Variants in NRXN3 observed in about 807,000 individuals in gnomAD.
NRXN3 encodes neurexin III.
A neutral mutation model predicts 137.6 loss-of-function variants in NRXN3; 32 were observed. That is an observed-to-expected ratio of 0.23 (90% confidence interval 0.18 to 0.31). The LOEUF is 0.31. NRXN3 is among the 10% of genes least tolerant of loss of function. The probability of loss-of-function intolerance (pLI) is 1.00; values close to 1 mark genes in which losing one functional copy is unlikely to be tolerated. For synonymous variants in NRXN3, 798 were observed against 784.5 expected (o/e 1.02, Z -0.29); for missense variants, 1,574 against 2,062.5 (o/e 0.76, Z 4.59).
At position 79,769,208 on chromosome 14, in the gene NRXN3, T is replaced by C. The variant is rs2099067750; in HGVS notation, c.4015-35904T>C. ...AGTTGGAAAACACTCTGCAGGATAT[T>C]ATCCAGGAGAACTTCCCCAATCTAG... On this transcript the variant is annotated intron_variant, in intron 19 of 20. Coordinates refer to ENST00000335750, the MANE Select transcript of NRXN3 (RefSeq NM_001330195.2). Among the ~76,000 whole-genome samples the C allele has an allele frequency of 3.4e-5, 5 of 149,064 alleles. No individual in the cohort carries two copies. The South Asian group carries it at 1.1e-3, about 33-fold the overall frequency.
intron 10 of NRXN3, among the ~76,000 whole-genome samples, chr14:78,834,190 C>T (rs111436067): frequency 1.1e-4 from 16 of 152,084 alleles, no homozygotes; most frequent in African/African-American, 2.7e-4. Flanking sequence ...ATTCTAGGAG[C>T]GACAGGAAGC....
At chr14:79,461,696 T>C (rs1286535965) in intron 15 of NRXN3, among the ~76,000 whole-genome samples, 1 of 152,190 alleles carries the variant, frequency 6.6e-6, no homozygotes, top group Non-Finnish European at 1.5e-5. Flanking sequence ...AAAAGATAGG[T>C]TTAATTTGAT....
intron 10 of NRXN3, among the ~76,000 whole-genome samples, chr14:78,851,194 A>G (rs2099041565): frequency 6.6e-6 from 1 of 152,172 alleles, no homozygotes; most frequent in Non-Finnish European, 1.5e-5. Flanking sequence ...AGATCAAAAT[A>G]TAGCTTCTAT....
At chr14:79,854,308 T>G (rs1603619951) in intron 20 of NRXN3, 1 of 231,550 alleles carries the variant, frequency 4.3e-6, no homozygotes, top group African/African-American at 2.3e-5. Context: ...CAGAACAGCT[T>G]CTATTTTTAA....
chr14:78,803,929 C>A, intron 9 of NRXN3, 106 bp downstream of exon 9: 1 of 1,046,642 alleles, frequency 9.6e-7, no homozygotes, highest in South Asian at 1.3e-5. Flanking sequence ...TGAAAGTTAG[C>A]TGCTCACCTC....
chr14:79,423,359 G>C (rs2095609207), intron 15 of NRXN3, among the ~76,000 whole-genome samples: 1 of 152,114 alleles, frequency 6.6e-6, no homozygotes, highest in Non-Finnish European at 1.5e-5. Flanking sequence ...TCCTTTCCAA[G>C]CTCCATCTTT....
intron 6 of NRXN3, among the ~76,000 whole-genome samples, chr14:78,689,907 C>T (rs1485962579): frequency 6.6e-6 from 1 of 151,496 alleles, no homozygotes; most frequent in African/African-American, 2.4e-5. Context: ...GCTGTCCATC[C>T]TTCTCTCCCT....
intron 15 of NRXN3, chr14:79,281,832 C>A (rs540445402): frequency 1.8e-4 from 27 of 152,356 alleles, no homozygotes; most frequent in African/African-American, 6.3e-4. Context: ...CTGATAACAT[C>A]CAGACCCTAT....
intron 16 of NRXN3, among the ~76,000 whole-genome samples, chr14:79,473,087 T>TATA (rs1392210221): frequency 6.6e-6 from 1 of 152,156 alleles, no homozygotes; most frequent in Non-Finnish European, 1.5e-5. Flanking sequence ...GACAAGAATC[T>TATA]ATAACCTTCC....
At chr14:78,634,519 G>T (rs538985769) in intron 4 of NRXN3, among the ~76,000 whole-genome samples, 62 of 152,284 alleles carry the variant, frequency 4.1e-4, no homozygotes, top group African/African-American at 1.4e-3. Context: ...TGGCAGCAGA[G>T]ATTTAACTTT....
chr14:78,521,858 A>T (rs1271296697), intron 4 of NRXN3, among the ~76,000 whole-genome samples: 1 of 152,178 alleles, frequency 6.6e-6, no homozygotes, highest in African/African-American at 2.4e-5. Flanking sequence ...ACCAAGAAAA[A>T]GGAAGGATGT....
chr14:79,407,710 T>A (rs2095341151), intron 15 of NRXN3, among the ~76,000 whole-genome samples: 2 of 152,138 alleles, frequency 1.3e-5, no homozygotes, highest in African/African-American at 4.8e-5. Flanking sequence ...TCTTGGGCAG[T>A]TGAATCCTTC....
At chr14:79,686,597 T>TA (rs1187310895) in intron 17 of NRXN3, among the ~76,000 whole-genome samples, 2 of 151,960 alleles carry the variant, frequency 1.3e-5, no homozygotes, top group Non-Finnish European at 2.9e-5. Flanking sequence ...TTACCTTTTT[T>TA]AAAAAAACAA....
chr14:79,734,528 A>G (rs1299436910), intron 19 of NRXN3, among the ~76,000 whole-genome samples: 1 of 152,238 alleles, frequency 6.6e-6, no homozygotes, highest in Non-Finnish European at 1.5e-5. Flanking sequence ...TATACAATAA[A>G]AAATAGTTTC....
In NRXN3 at chr14:78,500,071, C is replaced by T. The variant is rs114305927; in HGVS notation, c.758-145049C>T. 6.1e-3 allele frequency among the ~76,000 whole-genome samples: 929 copies of T among 152,254 alleles called. 7 individuals carry two copies. The highest frequency in any genetic ancestry group is 0.021 in the African/African-American group (877 of 41,560). ...GACCATTGAGGCTATCGTAGTCTGC[C>T]ATAGCATGCCTGACCTGTGGGTTGT... On this transcript the variant is annotated intron_variant, in intron 4 of 20. Transcript: ENST00000335750.
At chr14:78,972,182 C>T (rs993919496) in intron 14 of NRXN3, among the ~76,000 whole-genome samples, 32 of 152,270 alleles carry the variant, frequency 2.1e-4, no homozygotes, top group African/African-American at 6.5e-4. Flanking sequence ...AGCTTTGCTG[C>T]AGAGGCCAAG....
At chr14:79,669,962 C>G (rs2098597498) in intron 17 of NRXN3, among the ~76,000 whole-genome samples, 1 of 152,046 alleles carries the variant, frequency 6.6e-6, no homozygotes, top group Admixed American at 6.6e-5. Context: ...ATGTGTCTTT[C>G]TTTCAGACTG....
intron 19 of NRXN3, among the ~76,000 whole-genome samples, chr14:79,800,981 A>C (rs963618970): frequency 2.0e-5 from 3 of 152,090 alleles, no homozygotes; most frequent in African/African-American, 7.2e-5. Context: ...CCTTTTTGCA[A>C]ATTAAGGCCT....
chr14:79,350,276 A>ACTTTCATT (rs1367263437), intron 15 of NRXN3, among the ~76,000 whole-genome samples: 2 of 152,200 alleles, frequency 1.3e-5, no homozygotes, highest in Non-Finnish European at 2.9e-5. Context: ...CAACTTTCAT[A>ACTTTCATT]CTTTCATTGT....
Sources: gnomAD v4.1 joint callset for allele counts (sites outside exome capture counted in the v4.1 genomes callset) on GRCh38, gnomAD v4.1.1 for gene constraint, MANE v1.5 for transcripts, NCBI Gene and HGNC (gene_info 2026-07-23, HGNC 2026-07-21) for gene names.